Variants in CREBRF observed in about 807,000 individuals in gnomAD.
The protein encoded by CREBRF is CREB3 regulatory factor.
In CREBRF, 5 loss-of-function variants were observed where a neutral mutation model predicts 66.1. The ratio of observed to expected loss-of-function variants is 0.08; its 90% CI spans 0.04 to 0.16. CREBRF has a LOEUF of 0.16. CREBRF is among the 10% of genes least tolerant of loss of function. The pLI is 1.00. For synonymous variants in CREBRF, 229 were observed against 264.4 expected (o/e 0.87, Z 1.30); for missense variants, 531 against 744.9 (o/e 0.71, Z 3.34).
intron 1 of CREBRF, among the ~76,000 whole-genome samples, chr5:173,059,265 C>CTTTTTTTTTTTTTT (rs60946984): frequency 1.5e-5 from 1 of 65,580 alleles, no homozygotes; most frequent in African/African-American, 4.0e-5. Flanking sequence ...TCTTTTTTTT[C>CTTTTTTTTTTTTTT]TTTTTTTTTT....
intron 1 of CREBRF, among the ~76,000 whole-genome samples, chr5:173,074,649 G>C (rs1489165518): frequency 4.0e-5 from 6 of 150,788 alleles, no homozygotes; most frequent in African/African-American, 1.5e-4. Flanking sequence ...TTGAGACAGA[G>C]TCTCACTCTG....
intron 6 of CREBRF, 51 bp downstream of exon 6, chr5:173,110,762 T>A: frequency 7.1e-7 from 1 of 1,406,114 alleles, no homozygotes; most frequent in Non-Finnish European, 9.8e-7. Flanking sequence ...GAGGTGAGGT[T>A]AGTCCCTAAG....
At chr5:173,126,349 C>T (rs574759822) in intron 8 of CREBRF, among the ~76,000 whole-genome samples, 1 of 152,314 alleles carries the variant, frequency 6.6e-6, no homozygotes, top group East Asian at 1.9e-4. Flanking sequence ...CCATGTTGGC[C>T]AGGCTAGTAT....
intron 1 of CREBRF, among the ~76,000 whole-genome samples, chr5:173,059,247 C>A: frequency 7.7e-6 from 1 of 129,044 alleles, no homozygotes. Context: ...TTTATCAGTT[C>A]TTCTTTTTCT....
chr5:173,077,751 A>G (rs908222234), intron 1 of CREBRF, among the ~76,000 whole-genome samples: 1 of 152,126 alleles, frequency 6.6e-6, no homozygotes, highest in African/African-American at 2.4e-5. Flanking sequence ...AATAAAAACT[A>G]TCCCAGCCCT....
At chr5:173,106,165 C>T (rs1159485263) in intron 4 of CREBRF, among the ~76,000 whole-genome samples, 1 of 150,696 alleles carries the variant, frequency 6.6e-6, no homozygotes, top group African/African-American at 2.4e-5. Context: ...TGCGGTGGCT[C>T]ACACCTGTAA....
In CREBRF at chr5:173,108,817, T is replaced by C. The variant is rs1274825042; in HGVS notation, c.1416T>C (p.His472=). ...SNMYQKNGLH[H]GKYAVKKSRR... is the part of the protein sequence containing the mutation. ...TGTATCAGAAAAATGGCTTACATCA[T>C]GGTAAGAGGGGATTGCAGTCAGATA... The change falls in exon 5 of 9, where the codon CAT becomes CAC. Residue 472 remains histidine (H), a splice_region_variant and synonymous_variant. Coordinates refer to ENST00000296953, the MANE Select transcript of CREBRF (RefSeq NM_153607.3). 1.2e-6 allele frequency: 2 copies of C among 1,609,668 alleles called. No individual in the cohort carries two copies. The highest frequency in any genetic ancestry group is 8.5e-7 in the Non-Finnish European group (1 of 1,178,214).
chr5:173,082,260 G>A (rs962719535), intron 2 of CREBRF, among the ~76,000 whole-genome samples: 6 of 151,796 alleles, frequency 4.0e-5, no homozygotes, highest in Non-Finnish European at 7.4e-5. Flanking sequence ...TGATCCACCC[G>A]CCTTGGCCTC....
intron 1 of CREBRF, chr5:173,057,249 GC>G (rs1757094092): frequency 6.7e-6 from 1 of 148,934 alleles, no homozygotes. Flanking sequence ...CCGCGGGGGG[GC>G]CACTAATTGG....
rs112359463 is a variant in CREBRF at position 173,086,418 on chromosome 5, G to T, written c.10-83G>T. 6 of 1,184,446 alleles carry T rather than the reference G, an allele frequency of 5.1e-6. No individual in the cohort carries two copies. In the East Asian group the frequency reaches 7.0e-5, roughly 14 times the overall value. 73.4% of individuals were successfully genotyped at this position (1,184,446 alleles called of 1,614,324 possible). ...TTCTGAAAAGAATAAGTTACTTAGT[G>T]GGGGTGGGGTTGGGGCTCATATGTG... On this transcript the variant is annotated intron_variant, in intron 2 of 8. Coordinates refer to ENST00000296953, the MANE Select transcript of CREBRF (RefSeq NM_153607.3).
chr5:173,097,265 T>TGA (rs1207446442), intron 4 of CREBRF, among the ~76,000 whole-genome samples: 1 of 112,110 alleles, frequency 8.9e-6, no homozygotes, highest in Non-Finnish European at 2.2e-5. Context: ...TTTGTTTGTT[T>TGA]GAGACAGTCT....
intron 7 of CREBRF, among the ~76,000 whole-genome samples, chr5:173,118,474 T>G (rs1398389884): frequency 6.6e-6 from 1 of 152,202 alleles, no homozygotes; most frequent in Non-Finnish European, 1.5e-5. Context: ...TTTACGTAGT[T>G]TTAGGTTTTG....
At chr5:173,117,176 C>G (rs1378394980) in intron 7 of CREBRF, among the ~76,000 whole-genome samples, 1 of 151,860 alleles carries the variant, frequency 6.6e-6, no homozygotes, top group African/African-American at 2.4e-5. Context: ...GTCAGGAGTT[C>G]GAGACCAGCC....
At chr5:173,060,734 T>C (rs1202235773) in intron 1 of CREBRF, among the ~76,000 whole-genome samples, 1 of 152,056 alleles carries the variant, frequency 6.6e-6, no homozygotes, top group Non-Finnish European at 1.5e-5. Context: ...TTTTTTTTTT[T>C]TTTTGGAACA....
intron 8 of CREBRF, among the ~76,000 whole-genome samples, chr5:173,128,961 T>C (rs537166163): frequency 3.3e-5 from 5 of 151,648 alleles, no homozygotes; most frequent in African/African-American, 1.2e-4. Flanking sequence ...TTTGTATTTT[T>C]AGTGGAGATG....
At chr5:173,078,866 G>T (rs1224631681) in intron 1 of CREBRF, among the ~76,000 whole-genome samples, 2 of 152,028 alleles carry the variant, frequency 1.3e-5, no homozygotes, top group Admixed American at 1.3e-4. Context: ...ATTTTAAAGG[G>T]TATCAAACTT....
At chr5:173,085,409 C>A (rs1561800964) in intron 2 of CREBRF, 18 of 911,150 alleles carry the variant, frequency 2.0e-5, no homozygotes, top group Non-Finnish European at 2.7e-5. Context: ...TCGTCAAATA[C>A]ATTCTTTTTT....
intron 1 of CREBRF, among the ~76,000 whole-genome samples, chr5:173,079,245 T>A (rs990653467): frequency 6.6e-6 from 1 of 151,064 alleles, no homozygotes; most frequent in Admixed American, 6.6e-5. Context: ...GAGGGGAGAG[T>A]GCAGCAAAGA....
At position 173,110,622 on chromosome 5, in the gene CREBRF, T is replaced by C. The variant is rs1261119137; in HGVS notation, c.1518T>C (p.Asn506=). 9.9e-6 allele frequency: 16 copies of C among 1,613,914 alleles called. No homozygotes were observed. The highest frequency in any genetic ancestry group is 1.1e-5 in the South Asian group (1 of 91,086). ...TAGGCAATGAACTTCGGAAACTGAA[T>C]AAGGTGATTAGTGACCTGACTCCAG... The part of the protein sequence containing the change: ...LQIGNELRKL[N]KVISDLTPVS... Residue 506 remains asparagine (N), a synonymous_variant, in exon 6 of 9, where the codon AAT becomes AAC. Coordinates refer to ENST00000296953, the MANE Select transcript of CREBRF (RefSeq NM_153607.3).
Sources: allele counts gnomAD v4.1 joint callset (sites outside exome capture counted in the v4.1 genomes callset), GRCh38; gene constraint gnomAD v4.1.1; transcripts MANE v1.5; gene names NCBI Gene and HGNC (gene_info 2026-07-23, HGNC 2026-07-21).